The following ESRRB variants were observed in gnomAD, a reference collection of about 807,000 sequenced individuals.
ESRRB encodes the protein steroid hormone receptor ERR2.
In ESRRB, 16 loss-of-function variants were observed where a neutral mutation model predicts 46.0. That is an observed-to-expected ratio of 0.35 (90% CI 0.24 to 0.53). The LOEUF (loss-of-function observed/expected upper bound fraction) is 0.53. Ranked by LOEUF, ESRRB falls within the 20% of genes least tolerant of loss-of-function variation. The probability of loss-of-function intolerance (pLI) is 0.93; values close to 1 mark genes in which losing one functional copy is unlikely to be tolerated. For missense variants in ESRRB, 488 were observed against 607.4 expected, an observed-to-expected ratio of 0.80 and a Z score of 2.07; for synonymous variants, 246 against 259.6, an observed-to-expected ratio of 0.95 and a Z score of 0.50.
At chr14:76,369,094 G>C (rs1404093898), upstream of ESRRB, among the ~76,000 whole-genome samples, 5 of 151,372 alleles carry the variant, frequency 3.3e-5, no homozygotes, top group African/African-American at 1.2e-4. Context: ...CTACTCAGGA[G>C]GCTGAGGCAG....
At chr14:76,445,648 GAA>G (rs1197336364) in intron 2 of ESRRB, among the ~76,000 whole-genome samples, 2 of 150,634 alleles carry the variant, frequency 1.3e-5, no homozygotes, top group Non-Finnish European at 3.0e-5. Context: ...GATTTAGGGA[GAA>G]AGACTAAGAC....
intron 1 of ESRRB, among the ~76,000 whole-genome samples, chr14:76,329,085 T>C (rs1275697136): frequency 6.6e-6 from 1 of 152,094 alleles, no homozygotes; most frequent in Non-Finnish European, 1.5e-5. Flanking sequence ...TGGCAGCCAG[T>C]ATTTTATGGT....
At chr14:76,371,316 C>A (rs185373749), upstream of ESRRB, 4 of 152,422 alleles carry the variant, frequency 2.6e-5, no homozygotes, top group African/African-American at 7.2e-5. Context: ...CTCCACACCC[C>A]CAAATTCAAG....
In ESRRB at chr14:76,439,826, T is replaced by C. The variant is rs184363159; in HGVS notation, c.460+76T>C. The stretch of plus-strand genomic sequence containing the variant: ...GTGCCTGCGGGTCTGGCAGAAGCCC[T>C]AGGAATTCCCAGAGACTGCCAATTC... On this transcript the variant is annotated intron_variant, in intron 2 of 6. Transcript: ENST00000644823. 340 of 1,516,874 alleles carry C rather than the reference T, an allele frequency of 2.2e-4. 1 individual carries two copies. The African/African-American group carries it at 4.0e-3, about 18-fold the overall frequency. 94.0% of individuals were successfully genotyped at this position (1,516,874 alleles called of 1,614,324 possible).
rs182221753 is a variant in ESRRB at position 76,478,532 on chromosome 14, C to T, written c.578-3484C>T. ...AAGCGAGAGTTCATTCCAGTGGTAT[C>T]TAGGAGAGAAGGTCAGTAAAGTGGG... is the stretch of plus-strand genomic sequence containing the variant. On this transcript the variant is annotated intron_variant, in intron 3 of 6. Transcript: ENST00000644823. Among the ~76,000 whole-genome samples the T allele has an allele frequency of 3.2e-4, 49 of 152,066 alleles. 1 individual carries two copies. The highest frequency in any genetic ancestry group is 1.2e-3 in the African/African-American group (48 of 41,468).
In ESRRB at chr14:76,499,544, C is replaced by T. The variant is rs1890579680; in HGVS notation, c.*1086C>T. 1 of 449,224 alleles carries T rather than the reference C, an allele frequency of 2.2e-6. No homozygotes were observed. Among genetic ancestry groups the T allele is most frequent in the Non-Finnish European group, 4.1e-6 (1 of 241,870 alleles). The allele number at this position is 449,224 out of a possible 1,614,324, so 27.8% of individuals were successfully genotyped here. On this transcript the variant is annotated 3_prime_UTR_variant, in exon 7 of 7. Coordinates refer to ENST00000644823, the MANE Select transcript of ESRRB (RefSeq NM_001379180.1). ...TGCCTCATCCTTCCTGGCTTCCCTTCCCTGCACTCAGCATCATGCCACAGG... is the reference window on the plus strand; with the variant it reads ...TGCCTCATCCTTCCTGGCTTCCCTTTCCTGCACTCAGCATCATGCCACAGG...
chr14:76,398,514 T>G (rs1443021566), intron 1 of ESRRB, among the ~76,000 whole-genome samples: 1 of 152,104 alleles, frequency 6.6e-6, no homozygotes, highest in Non-Finnish European at 1.5e-5. Flanking sequence ...CTTGTCACCT[T>G]TCATTTGTAT....
intron 1 of ESRRB, among the ~76,000 whole-genome samples, chr14:76,318,667 A>T (rs1035570619): frequency 1.3e-5 from 2 of 152,198 alleles, no homozygotes; most frequent in African/African-American, 4.8e-5. Flanking sequence ...GAATTAAAGG[A>T]GCCCTGTGTA....
chr14:76,424,368 C>T (rs1487746132), intron 1 of ESRRB, among the ~76,000 whole-genome samples: 2 of 152,182 alleles, frequency 1.3e-5, no homozygotes. Flanking sequence ...CCTAAGCTTC[C>T]TATGTGGGTT....
Position 76,491,686 on chromosome 14 carries a change from A to G in ESRRB, c.1090A>G (p.Thr364Ala). 1.3e-6 allele frequency: 2 copies of G among 1,585,536 alleles called. No individual in the cohort carries two copies. The highest frequency in any genetic ancestry group is 8.6e-7 in the Non-Finnish European group (1 of 1,167,826). ...CAAGGTGGAGAAGGAGGAGTTTGTG[A>G]CGCTCAAGGCCCTGGCCCTCGCCAA... ...KLKVEKEEFV[T>A]LKALALANSD... Residue 364 changes from threonine to alanine, a missense_variant, in exon 6 of 7, where the codon ACG (threonine) becomes GCG (alanine). Physicochemically the swap from Thr to Ala is moderately conservative, Grantham distance 58. Coordinates refer to ENST00000644823, the MANE Select transcript of ESRRB (RefSeq NM_001379180.1).
chr14:76,484,785 C>G (rs1239014944), intron 5 of ESRRB, among the ~76,000 whole-genome samples: 2 of 152,242 alleles, frequency 1.3e-5, no homozygotes, highest in Non-Finnish European at 2.9e-5. Context: ...AATCAGGCAG[C>G]CTGGGCTTTC....
In ESRRB at chr14:76,402,352, T is replaced by G. The variant is rs577205644; in HGVS notation, c.50+25901T>G. 2.6e-5 allele frequency among the ~76,000 whole-genome samples: 4 copies of G among 152,318 alleles called. No homozygotes were observed. In the East Asian group the frequency reaches 7.7e-4, roughly 29 times the overall value. Reference sequence around the variant, plus strand: ...GCCCTGTCTTCGGCCTTCCAGGGCATTTTAGTGTAGTAAAGGTTCTGAGAA... The same window carrying G: ...GCCCTGTCTTCGGCCTTCCAGGGCAGTTTAGTGTAGTAAAGGTTCTGAGAA... On this transcript the variant is annotated intron_variant, in intron 1 of 6. Transcript: ENST00000644823.
intron 2 of ESRRB, among the ~76,000 whole-genome samples, chr14:76,445,974 C>T (rs1448195082): frequency 1.3e-5 from 2 of 152,232 alleles, no homozygotes; most frequent in Non-Finnish European, 2.9e-5. Flanking sequence ...GCGTGAGCCA[C>T]TGCGTCCAAT....
chr14:76,378,583 A>G (rs1372313096), intron 1 of ESRRB, among the ~76,000 whole-genome samples: 1 of 152,002 alleles, frequency 6.6e-6, no homozygotes, highest in African/African-American at 2.4e-5. Context: ...GGAATTGAGC[A>G]CCCCTGTCAG....
At chr14:76,394,498 C>T (rs1566874009) in intron 1 of ESRRB, among the ~76,000 whole-genome samples, 2 of 152,206 alleles carry the variant, frequency 1.3e-5, no homozygotes, top group East Asian at 1.9e-4. Flanking sequence ...GTACTCTCCT[C>T]CCCAAAGAGG....
At chr14:76,323,378 T>C (rs768531021) in intron 1 of ESRRB, among the ~76,000 whole-genome samples, 8 of 151,052 alleles carry the variant, frequency 5.3e-5, no homozygotes, top group Admixed American at 2.0e-4. Context: ...GGTAGGAACA[T>C]GGCTGACTGC....
chr14:76,388,078 T>C (rs1223134967), intron 1 of ESRRB, among the ~76,000 whole-genome samples: 2 of 152,138 alleles, frequency 1.3e-5, no homozygotes, highest in East Asian at 3.9e-4. Context: ...CTGACAAAGC[T>C]GGGATTTGCA....
chr14:76,491,381 C>T, intron 5 of ESRRB, 66 bp from the exon 6 acceptor site: 1 of 1,556,972 alleles, frequency 6.4e-7, no homozygotes, highest in South Asian at 1.2e-5. Context: ...CCCCAGCGAG[C>T]CCCAGGGAGG....
intron 5 of ESRRB, among the ~76,000 whole-genome samples, chr14:76,490,028 C>T (rs562538667): frequency 6.6e-6 from 1 of 152,322 alleles, no homozygotes; most frequent in South Asian, 2.1e-4. Context: ...CCCACAGCAC[C>T]CCACATCAGA....
Sources: gnomAD v4.1 joint callset for allele counts (sites outside exome capture counted in the v4.1 genomes callset) on GRCh38, gnomAD v4.1.1 for gene constraint, MANE v1.5 for transcripts, NCBI Gene and HGNC (gene_info 2026-07-23, HGNC 2026-07-21) for gene names.